Variants in DPP6 observed in about 807,000 individuals in gnomAD.
The protein encoded by DPP6 is A-type potassium channel modulatory protein DPP6.
Under a neutral mutation model 122.6 loss-of-function variants are expected in DPP6, and 69 were observed. The observed-to-expected ratio is 0.56, with a 90% CI of 0.46 to 0.69. The LOEUF (loss-of-function observed/expected upper bound fraction) is 0.69, where lower values mean the gene tolerates loss of function less well. DPP6 is among the 30% of genes least tolerant of loss of function. DPP6 has a pLI of 0.00. For synonymous variants in DPP6, 418 were observed against 433.1 expected, an observed-to-expected ratio of 0.97 and a Z score of 0.43; for missense variants, 928 against 1,116.9, an observed-to-expected ratio of 0.83 and a Z score of 2.41.
chr7:153,938,200 T>C (rs377311534), intron 1 of DPP6, among the ~76,000 whole-genome samples: 81 of 152,322 alleles, frequency 5.3e-4, no homozygotes, highest in African/African-American at 1.9e-3. Context: ...ATCTGATCTA[T>C]TACCTTTTCT....
intron 1 of DPP6, among the ~76,000 whole-genome samples, chr7:154,235,700 T>C (rs1297048019): frequency 6.6e-6 from 1 of 152,208 alleles, no homozygotes; most frequent in African/African-American, 2.4e-5. Flanking sequence ...TTTCTTTTTT[T>C]CCCCTTACTG....
chr7:154,345,206 G>T (rs1810293207), intron 1 of DPP6, among the ~76,000 whole-genome samples: 1 of 152,062 alleles, frequency 6.6e-6, no homozygotes, highest in Non-Finnish European at 1.5e-5. Flanking sequence ...GGGCAGGAGG[G>T]GAGAGAGAGT....
chr7:153,933,969 T>C (rs2129014171), intron 1 of DPP6, among the ~76,000 whole-genome samples: 1 of 152,354 alleles, frequency 6.6e-6, no homozygotes, highest in Non-Finnish European at 1.5e-5. Context: ...GCTTTGTCAG[T>C]GGCTGGTGCA....
chr7:153,862,367 G>A, the DPP6 span, among the ~76,000 whole-genome samples: 3 of 152,180 alleles, frequency 2.0e-5, no homozygotes, highest in Non-Finnish European at 4.4e-5. Context: ...GCAAAGTCAG[G>A]TCTGATGGCA....
chr7:154,074,467 A>G (rs572607579), intron 1 of DPP6, among the ~76,000 whole-genome samples: 91 of 152,332 alleles, frequency 6.0e-4, no homozygotes, highest in Middle Eastern at 3.4e-3. Context: ...CAGAGACAGA[A>G]TAAGTAAATC....
upstream of DPP6, among the ~76,000 whole-genome samples, chr7:153,886,863 G>C (rs1410485569): frequency 1.3e-5 from 2 of 152,174 alleles, no homozygotes; most frequent in East Asian, 3.9e-4. Context: ...CCCTTCTCTC[G>C]CGGGCGCAGC....
At chr7:154,041,695 T>TA (rs1799773668) in intron 1 of DPP6, among the ~76,000 whole-genome samples, 1 of 152,096 alleles carries the variant, frequency 6.6e-6, no homozygotes. Flanking sequence ...ACCTGCATGC[T>TA]ATCAGGGCTC....
At chr7:153,870,252 A>G in the DPP6 span, among the ~76,000 whole-genome samples, 1 of 152,226 alleles carries the variant, frequency 6.6e-6, no homozygotes, top group African/African-American at 2.4e-5. Flanking sequence ...GCATTTTCCA[A>G]CTTGATTCCA....
intron 1 of DPP6, among the ~76,000 whole-genome samples, chr7:154,307,464 A>G (rs11766601): frequency 0.21 from 31,548 of 151,996 alleles, 4,420 homozygotes; most frequent in African/African-American, 0.4. Flanking sequence ...GTGTCACCTC[A>G]ACCCTAAAAA....
intron 1 of DPP6, among the ~76,000 whole-genome samples, chr7:154,289,576 G>A (rs1264466118): frequency 2.6e-5 from 4 of 152,126 alleles, no homozygotes; most frequent in African/African-American, 7.2e-5. Context: ...AACTAGGATG[G>A]CAGGTCCCTT....
intron 1 of DPP6, among the ~76,000 whole-genome samples, chr7:154,140,142 A>C (rs1174263784): frequency 2.0e-5 from 3 of 152,202 alleles, no homozygotes; most frequent in Non-Finnish European, 4.4e-5. Context: ...ATGATTTTAA[A>C]TGTGCACTCA....
intron 1 of DPP6, among the ~76,000 whole-genome samples, chr7:154,103,206 A>G (rs991507704): frequency 7.9e-5 from 12 of 152,162 alleles, no homozygotes; most frequent in Non-Finnish European, 1.2e-4. Flanking sequence ...ACAGAAGTGC[A>G]GTCAACTCAG....
chr7:154,244,361 T>A (rs1385655397), intron 1 of DPP6, among the ~76,000 whole-genome samples: 1 of 151,868 alleles, frequency 6.6e-6, no homozygotes, highest in Admixed American at 6.6e-5. Context: ...AAATTAAGAG[T>A]CAGCAGACCT....
chr7:154,226,646 CAG>C (rs1399593961), intron 1 of DPP6, among the ~76,000 whole-genome samples: 1 of 152,176 alleles, frequency 6.6e-6, no homozygotes. Context: ...CCAATTTTTT[CAG>C]GATCGACTCT....
intron 1 of DPP6, among the ~76,000 whole-genome samples, chr7:154,091,299 C>T (rs909896708): frequency 6.6e-6 from 1 of 152,132 alleles, no homozygotes; most frequent in African/African-American, 2.4e-5. Flanking sequence ...TCCAGCAATT[C>T]CTCAGGGGTG....
chr7:153,846,960 TAC>T, the DPP6 span, among the ~76,000 whole-genome samples: 1 of 152,184 alleles, frequency 6.6e-6, no homozygotes, highest in African/African-American at 2.4e-5. Flanking sequence ...GTGCTGGAGT[TAC>T]AGGCATGAGC....
chr7:154,307,465 A>T (rs978674740), intron 1 of DPP6, among the ~76,000 whole-genome samples: 2 of 152,092 alleles, frequency 1.3e-5, no homozygotes, highest in African/African-American at 4.8e-5. Flanking sequence ...TGTCACCTCA[A>T]CCCTAAAAAA....
At chr7:153,841,135 C>T in the DPP6 span, among the ~76,000 whole-genome samples, 2 of 152,208 alleles carry the variant, frequency 1.3e-5, no homozygotes, top group African/African-American at 4.8e-5. Context: ...CAATACCACT[C>T]GTTTCACCTT....
At chr7:153,909,196 G>C (rs1799971484) in intron 1 of DPP6, among the ~76,000 whole-genome samples, 1 of 152,070 alleles carries the variant, frequency 6.6e-6, no homozygotes, top group Admixed American at 6.6e-5. Flanking sequence ...GTCTTGAATG[G>C]GCATGCTGAG....
Sources: allele counts gnomAD v4.1 joint callset (sites outside exome capture counted in the v4.1 genomes callset), GRCh38; gene constraint gnomAD v4.1.1; transcripts MANE v1.5; gene names NCBI Gene and HGNC (gene_info 2026-07-23, HGNC 2026-07-21).